Variants in TRPM3 observed in about 807,000 individuals in gnomAD.
The protein encoded by TRPM3 is transient receptor potential cation channel subfamily M member 3.
In TRPM3, 77 loss-of-function variants were observed where a neutral mutation model predicts 181.2. That is an observed-to-expected ratio of 0.42 (90% CI 0.35 to 0.51). The LOEUF is 0.51. Ranked by LOEUF, TRPM3 falls within the 20% of genes least tolerant of loss-of-function variation. The pLI is 0.01. For synonymous variants in TRPM3, 745 were observed against 796.4 expected, an observed-to-expected ratio of 0.94 and a Z score of 1.09; for missense variants, 1,759 against 2,196.7, an observed-to-expected ratio of 0.80 and a Z score of 3.98.
At chr9:71,373,733 GA>G (rs931309942) in intron 1 of TRPM3, among the ~76,000 whole-genome samples, 2 of 149,742 alleles carry the variant, frequency 1.3e-5, no homozygotes, top group African/African-American at 2.4e-5. Context: ...ACTGAAATTA[GA>G]AAAAAAAATG....
chr9:71,091,107 G>A (rs1215266014), intron 1 of TRPM3, among the ~76,000 whole-genome samples: 1 of 152,048 alleles, frequency 6.6e-6, no homozygotes, highest in Non-Finnish European at 1.5e-5. Context: ...ACTTTGGCTT[G>A]ATAAGGAACA....
chr9:71,209,448 A>G (rs1196197064), intron 1 of TRPM3, among the ~76,000 whole-genome samples: 4 of 152,090 alleles, frequency 2.6e-5, no homozygotes, highest in Non-Finnish European at 5.9e-5. Flanking sequence ...TATCAAATTA[A>G]TTGGACCAAA....
chr9:71,417,975 C>T (rs548071963), intron 1 of TRPM3, among the ~76,000 whole-genome samples: 1 of 151,912 alleles, frequency 6.6e-6, no homozygotes, highest in South Asian at 2.1e-4. Context: ...GACTAAAAAC[C>T]TTTCTTTGGT....
chr9:71,439,854 C>T (rs967669120), intron 1 of TRPM3, among the ~76,000 whole-genome samples: 8 of 152,178 alleles, frequency 5.3e-5, no homozygotes, highest in Admixed American at 4.6e-4. Flanking sequence ...GGCGCAGTGG[C>T]TCACACCTGT....
chr9:71,245,532 G>A (rs899359259), intron 1 of TRPM3, among the ~76,000 whole-genome samples: 17 of 152,106 alleles, frequency 1.1e-4, no homozygotes, highest in African/African-American at 3.6e-4. Flanking sequence ...TGCTCTTGAA[G>A]CAAGGTGTAA....
intron 1 of TRPM3, among the ~76,000 whole-genome samples, chr9:70,970,083 A>G (rs1327978205): frequency 1.3e-5 from 2 of 152,132 alleles, no homozygotes. Context: ...ATCCCAATGC[A>G]ACAAATTATT....
At chr9:70,971,691 C>T (rs2097249155) in intron 1 of TRPM3, among the ~76,000 whole-genome samples, 1 of 151,920 alleles carries the variant, frequency 6.6e-6, no homozygotes, top group Admixed American at 6.6e-5. Context: ...ACCAAAGAAC[C>T]CCATTCTAGA....
chr9:70,637,349 C>CTATT (rs2057371097), intron 11 of TRPM3, among the ~76,000 whole-genome samples: 2 of 152,080 alleles, frequency 1.3e-5, no homozygotes, highest in South Asian at 4.1e-4. Context: ...ATTACTGAGG[C>CTATT]TATTTACTGT....
At chr9:70,806,487 T>C (rs999967243) in intron 6 of TRPM3, among the ~76,000 whole-genome samples, 1 of 151,858 alleles carries the variant, frequency 6.6e-6, no homozygotes, top group Admixed American at 6.6e-5. Context: ...GGTAAGGAGT[T>C]TGAGACCAGC....
intron 1 of TRPM3, among the ~76,000 whole-genome samples, chr9:70,935,232 T>A (rs1358555697): frequency 6.6e-6 from 1 of 152,124 alleles, no homozygotes; most frequent in Non-Finnish European, 1.5e-5. Context: ...TTTTGAATCA[T>A]GCCTCCCTGT....
At chr9:71,219,183 G>A (rs576445188) in intron 1 of TRPM3, among the ~76,000 whole-genome samples, 7 of 152,144 alleles carry the variant, frequency 4.6e-5, no homozygotes, top group Non-Finnish European at 1.0e-4. Context: ...AGAAGGTTGT[G>A]TGTGTGTGTT....
chr9:70,686,099 T>A (rs1006086926), intron 8 of TRPM3, among the ~76,000 whole-genome samples: 1 of 151,250 alleles, frequency 6.6e-6, no homozygotes, highest in African/African-American at 2.4e-5. Flanking sequence ...ATATATGTAA[T>A]ATATACACAT....
chr9:71,304,994 C>T (rs534753218), intron 1 of TRPM3, among the ~76,000 whole-genome samples: 49 of 152,240 alleles, frequency 3.2e-4, no homozygotes, highest in African/African-American at 1.2e-3. Context: ...TTTGGCCTTC[C>T]CTGTCACATT....
intron 1 of TRPM3, among the ~76,000 whole-genome samples, chr9:71,115,506 T>A (rs1424692316): frequency 3.9e-5 from 6 of 152,266 alleles, no homozygotes; most frequent in Admixed American, 6.5e-5. Flanking sequence ...AGAAAAAATA[T>A]GATCTGAAAA....
chr9:70,611,808 G>C (rs1276091819), intron 18 of TRPM3, among the ~76,000 whole-genome samples: 3 of 152,154 alleles, frequency 2.0e-5, no homozygotes, highest in African/African-American at 7.2e-5. Flanking sequence ...ACCTGGAGAG[G>C]TCCTCATCTC....
intron 1 of TRPM3, among the ~76,000 whole-genome samples, chr9:71,005,692 A>G (rs1283095244): frequency 6.6e-6 from 1 of 152,182 alleles, no homozygotes; most frequent in African/African-American, 2.4e-5. Context: ...TCCTTCAAAC[A>G]AGGAGAAATA....
Position 70,848,747 on chromosome 9 carries a change from G to T in TRPM3, c.463-2156C>A, listed in dbSNP as rs1215780568. Among the ~76,000 whole-genome samples the T allele has an allele frequency of 1.0e-4, 10 of 97,318 alleles. 5 individuals carry two copies. The highest frequency in any genetic ancestry group is 3.9e-4 in the African/African-American group (10 of 25,904). The allele number at this position is 97,318 out of a possible 152,430, so 63.8% of individuals were successfully genotyped here. On this transcript the variant is annotated intron_variant, in intron 3 of 25. Coordinates refer to ENST00000677713, the MANE Select transcript of TRPM3 (RefSeq NM_001366145.2). ...AATCCCAGCACTTTGGGAGGCCGAGGCGGGCGGATCACGAGGTCAGGAGAT... is the reference window on the plus strand; with the variant it reads ...AATCCCAGCACTTTGGGAGGCCGAGTCGGGCGGATCACGAGGTCAGGAGAT...
chr9:71,219,190 T>C (rs1179698701), intron 1 of TRPM3, among the ~76,000 whole-genome samples: 1 of 151,952 alleles, frequency 6.6e-6, no homozygotes, highest in African/African-American at 2.4e-5. Flanking sequence ...TGTGTGTGTG[T>C]GTTGGGGGTG....
rs143395041 is a variant in TRPM3, at chr9:70,593,038, G to A, written c.3049-1833C>T. On this transcript the variant is annotated intron_variant, in intron 21 of 25. Transcript: ENST00000677713. ...AGCCACTGTGCCCGGCCACGATTTTGTTTTAAAAGAGTGTCTGTTATTGGA... is the reference window on the plus strand; with the variant it reads ...AGCCACTGTGCCCGGCCACGATTTTATTTTAAAAGAGTGTCTGTTATTGGA... Among the ~76,000 whole-genome samples, 56 of 152,214 alleles carry A rather than the reference G, an allele frequency of 3.7e-4. No homozygotes were observed. In the Middle Eastern group the frequency reaches 0.014, roughly 37 times the overall value.
Sources: allele counts gnomAD v4.1 joint callset (sites outside exome capture counted in the v4.1 genomes callset), GRCh38; gene constraint gnomAD v4.1.1; transcripts MANE v1.5; gene names NCBI Gene and HGNC (gene_info 2026-07-23, HGNC 2026-07-21).